Variants in PXYLP1 observed in about 807,000 individuals in gnomAD.
The protein encoded by PXYLP1 is acid phosphatase-like 2.
In PXYLP1, 17 loss-of-function variants were observed where a neutral mutation model predicts 37.9. The observed-to-expected ratio is 0.45, with a 90% CI of 0.31 to 0.67. The LOEUF (loss-of-function observed/expected upper bound fraction) is 0.67. Ranked by LOEUF, PXYLP1 falls within the 30% of genes least tolerant of loss-of-function variation. The pLI is 0.07. For missense variants in PXYLP1, 511 were observed against 612.0 expected (o/e 0.84, Z 1.74); for synonymous variants, 221 against 232.2 (o/e 0.95, Z 0.44).
At position 141,290,918 on chromosome 3, in the gene PXYLP1, C is replaced by T. The variant is rs76471148; in HGVS notation, c.506-1350C>T. ...TGGCCTAACCAAATAAAATAGGCCC[C>T]GCAGTGAACTAGGGTGAGACACGGA... On this transcript the variant is annotated intron_variant, in intron 5 of 5. Coordinates refer to ENST00000286353, the MANE Select transcript of PXYLP1 (RefSeq NM_001037172.3). Among the ~76,000 whole-genome samples, 165 of 152,252 alleles carry T rather than the reference C, an allele frequency of 1.1e-3. 1 individual carries two copies. In the East Asian group the frequency reaches 0.027, roughly 25 times the overall value.
At chr3:141,284,995 C>T (rs1942037259) in intron 4 of PXYLP1, among the ~76,000 whole-genome samples, 1 of 152,178 alleles carries the variant, frequency 6.6e-6, no homozygotes, top group Non-Finnish European at 1.5e-5. Context: ...ATGTGCTAAG[C>T]ACCCTCTGGG....
At chr3:141,249,834 A>T (rs1559882472) in intron 1 of PXYLP1, among the ~76,000 whole-genome samples, 1 of 152,078 alleles carries the variant, frequency 6.6e-6, no homozygotes, top group African/African-American at 2.4e-5. Flanking sequence ...CTATGTCAAA[A>T]AATAATAATA....
At chr3:141,241,710 G>A (rs1194966645) in intron 1 of PXYLP1, among the ~76,000 whole-genome samples, 1 of 152,210 alleles carries the variant, frequency 6.6e-6, no homozygotes, top group East Asian at 1.9e-4. Flanking sequence ...CATGGGGCCT[G>A]GCCTTACAGG....
intron 2 of PXYLP1, chr3:141,274,422 G>A: frequency 6.8e-7 from 1 of 1,462,828 alleles, no homozygotes; most frequent in Non-Finnish European, 9.0e-7. Context: ...GTGTTTCACG[G>A]CCTCCCCTCT....
intron 2 of PXYLP1, 58 bp downstream of exon 2, chr3:141,260,312 G>A (rs1006870258): frequency 6.3e-6 from 10 of 1,577,374 alleles, no homozygotes; most frequent in Middle Eastern, 1.9e-4. Context: ...AGGAAACAAG[G>A]AGGCCCCAAA....
At chr3:141,276,696 G>A (rs1467986223) in intron 2 of PXYLP1, among the ~76,000 whole-genome samples, 1 of 152,144 alleles carries the variant, frequency 6.6e-6, no homozygotes, top group Non-Finnish European at 1.5e-5. Flanking sequence ...ACGAGATCGG[G>A]GGTAGTGCAC....
chr3:141,292,908 GTC>G lies in PXYLP1; in HGVS notation c.1147_1148del (p.Ser383ThrfsTer23), dbSNP rs754036846. 6.2e-7 allele frequency: 1 copy of G among 1,614,178 alleles called. No homozygotes were observed. The highest frequency in any genetic ancestry group is 8.5e-7 in the Non-Finnish European group (1 of 1,180,036). On this transcript the variant is annotated frameshift_variant, in exon 6 of 6. Coordinates refer to ENST00000286353, the MANE Select transcript of PXYLP1 (RefSeq NM_001037172.3). LOFTEE classifies it high-confidence loss of function. This position sits in a 1 kb window ranked among gnomAD's most constrained non-coding sequence, Gnocchi z 4.3. ...TCTACTCTGCTCATGATGTCACTCTGTCACCAGTTCTCAGTGCCTTGGGCCTT... is the reference window on the plus strand; with the variant it reads ...TCTACTCTGCTCATGATGTCACTCTGACCAGTTCTCAGTGCCTTGGGCCTT... Reference protein sequence around the residue: ...ALYSAHDVTLSPVLSALGLSE... With the variant: ...ALYSAHDVTLXPVLSALGLSE...
chr3:141,259,076 G>A (rs1416575104), intron 1 of PXYLP1, among the ~76,000 whole-genome samples: 2 of 152,188 alleles, frequency 1.3e-5, no homozygotes, highest in East Asian at 1.9e-4. Flanking sequence ...TGTGCTTTTC[G>A]TAGTACAGCT....
At chr3:141,285,232 G>A (rs1402101853) in intron 4 of PXYLP1, among the ~76,000 whole-genome samples, 1 of 134,766 alleles carries the variant, frequency 7.4e-6, no homozygotes, top group South Asian at 2.3e-4. Flanking sequence ...CTGCAGCCTC[G>A]ACCTCCTGGA....
intron 4 of PXYLP1, among the ~76,000 whole-genome samples, chr3:141,280,283 G>A (rs1202191039): frequency 3.3e-5 from 5 of 152,342 alleles, no homozygotes; most frequent in Admixed American, 6.5e-5. Flanking sequence ...CCGGGAGGGC[G>A]AGCCTGGTGG....
chr3:141,287,663 C>T (rs1445389936), intron 5 of PXYLP1, among the ~76,000 whole-genome samples: 2 of 152,094 alleles, frequency 1.3e-5, no homozygotes, highest in South Asian at 2.1e-4. Flanking sequence ...AAAAACAATA[C>T]GTGTTCATGA....
intron 1 of PXYLP1, among the ~76,000 whole-genome samples, chr3:141,242,692 G>A (rs1308308099): frequency 6.6e-6 from 1 of 152,228 alleles, no homozygotes; most frequent in Non-Finnish European, 1.5e-5. Flanking sequence ...AGACTGAATA[G>A]TTTGATGCTG....
At chr3:141,287,049 C>T (rs1942092440) in intron 4 of PXYLP1, among the ~76,000 whole-genome samples, 1 of 152,106 alleles carries the variant, frequency 6.6e-6, no homozygotes, top group African/African-American at 2.4e-5. Context: ...GTTGGGGAGC[C>T]GGAAGATAGA....
intron 1 of PXYLP1, among the ~76,000 whole-genome samples, chr3:141,238,703 T>C (rs1181653479): frequency 6.6e-6 from 1 of 152,012 alleles, no homozygotes; most frequent in African/African-American, 2.4e-5. Flanking sequence ...TAACTATACA[T>C]AGCCTACTGT....
intron 3 of PXYLP1, 38 bp from the exon 4 acceptor site, chr3:141,279,340 A>T: frequency 1.9e-6 from 3 of 1,612,336 alleles, no homozygotes; most frequent in Non-Finnish European, 2.5e-6. Context: ...ATTGACACCT[A>T]TTGAGTGATA....
chr3:141,287,470 T>C lies in PXYLP1; in HGVS notation c.505+17T>C, dbSNP rs769415345. On this transcript the variant is annotated intron_variant, in intron 5 of 5. Coordinates refer to ENST00000286353, the MANE Select transcript of PXYLP1 (RefSeq NM_001037172.3). ...CACAGACAGGTATGTGTGACCCCCA[T>C]GCGCTCAGGGGTTCCCCCACCCGCT... 3 of 1,610,606 alleles carry C rather than the reference T, an allele frequency of 1.9e-6. No homozygotes were observed. The African/African-American group carries it at 4.0e-5, about 22-fold the overall frequency.
intron 1 of PXYLP1, among the ~76,000 whole-genome samples, chr3:141,259,596 G>C (rs1941344504): frequency 6.6e-6 from 1 of 152,124 alleles, no homozygotes; most frequent in Non-Finnish European, 1.5e-5. Flanking sequence ...GTCGGTGTAG[G>C]AGCAAATCCT....
At chr3:141,262,732 T>C in intron 2 of PXYLP1, 1 of 1,521,556 alleles carries the variant, frequency 6.6e-7, no homozygotes, top group African/African-American at 1.4e-5. Context: ...AGGTAAACTG[T>C]AACTTTGGAA....
intron 1 of PXYLP1, among the ~76,000 whole-genome samples, chr3:141,241,008 G>A (rs1390105403): frequency 6.6e-6 from 1 of 152,114 alleles, no homozygotes; most frequent in Non-Finnish European, 1.5e-5. Context: ...GAACCTATGA[G>A]AGCTCCCTGT....
Sources: allele counts gnomAD v4.1 joint callset (sites outside exome capture counted in the v4.1 genomes callset), GRCh38; gene constraint gnomAD v4.1.1; non-coding constraint Gnocchi (gnomAD v3.1); transcripts MANE v1.5; gene names NCBI Gene and HGNC (gene_info 2026-07-23, HGNC 2026-07-21).